Variants in NHSL2 observed in about 807,000 individuals in gnomAD.
NHSL2 encodes NHS like 2, also known as NHS-like protein 2.
A neutral mutation model predicts 53.4 loss-of-function variants in NHSL2; 27 were observed. That is an observed-to-expected ratio of 0.51 (90% CI 0.37 to 0.70). NHSL2 has a LOEUF of 0.70. NHSL2 is among the 30% of genes least tolerant of loss of function. The pLI is 0.00. For synonymous variants in NHSL2, 408 were observed against 404.1 expected (o/e 1.01, Z -0.12); for missense variants, 892 against 980.1 (o/e 0.91, Z 1.20).
intron 1 of NHSL2, among the ~76,000 whole-genome samples, chrX:71,945,492 G>A (rs932608751): frequency 3.6e-5 from 4 of 111,535 alleles, no homozygotes; most frequent in African/African-American, 9.8e-5. Flanking sequence ...CCCCCACCCC[G>A]CAACCCCTGC....
At chrX:71,984,886 C>A (rs898095272) in intron 1 of NHSL2, among the ~76,000 whole-genome samples, 1 of 104,480 alleles carries the variant, frequency 9.6e-6, no homozygotes, top group African/African-American at 3.5e-5. Context: ...TGCAGTGGCA[C>A]GATCTCGGCT....
chrX:72,019,958 C>T (rs138290869), intron 1 of NHSL2, among the ~76,000 whole-genome samples: 1,250 of 111,999 alleles, frequency 0.011, 7 homozygotes, highest in Middle Eastern at 0.028. Flanking sequence ...TGATCTCAGG[C>T]ACCCCTTCTC....
intron 1 of NHSL2, among the ~76,000 whole-genome samples, chrX:72,123,420 A>G (rs1215321645): frequency 8.9e-6 from 1 of 111,809 alleles, no homozygotes; most frequent in African/African-American, 3.3e-5. Context: ...AGGTGTGTGA[A>G]TTCAAAGGCC....
intron 1 of NHSL2, among the ~76,000 whole-genome samples, chrX:71,963,175 T>C (rs1358741756): frequency 9.0e-6 from 1 of 111,267 alleles, no homozygotes; most frequent in Non-Finnish European, 1.9e-5. Flanking sequence ...GGTGTAAAGT[T>C]GATCTTCTCC....
chrX:72,059,880 C>T lies in NHSL2; in HGVS notation c.281-72199C>T, dbSNP rs549922826. 8.0e-5 allele frequency among the ~76,000 whole-genome samples: 9 copies of T among 112,234 alleles called. No individual in the cohort carries two copies. The South Asian group carries it at 1.1e-3, about 14-fold the overall frequency. On this transcript the variant is annotated intron_variant, in intron 1 of 7. Coordinates refer to ENST00000633930, the MANE Select transcript of NHSL2 (RefSeq NM_001013627.3). ...CTCTTTCAGTCTCATTCTCTAGCAA[C>T]CCCAAACTCACTGTATCCTCACTTT... is the stretch of plus-strand genomic sequence containing the variant.
chrX:72,069,486 T>C (rs2042453326), intron 1 of NHSL2, among the ~76,000 whole-genome samples: 1 of 110,574 alleles, frequency 9.0e-6, no homozygotes, highest in African/African-American at 3.3e-5. Flanking sequence ...AGTGAGAGGC[T>C]CAGATCTGTA....
chrX:72,031,253 T>A (rs1168580322), intron 1 of NHSL2, among the ~76,000 whole-genome samples: 1 of 111,138 alleles, frequency 9.0e-6, no homozygotes, highest in Non-Finnish European at 1.9e-5. Context: ...TTGGGAGGTG[T>A]CTTGGGGCCG....
At position 72,085,175 on chromosome X, in the gene NHSL2, C is replaced by G. The variant is rs182741743; in HGVS notation, c.281-46904C>G. On this transcript the variant is annotated intron_variant, in intron 1 of 7. Transcript: ENST00000633930. ...GCTTTAGACCTCACTGCAAGTCAGA[C>G]CCCCCTGGCTGGGATGACCCCCAGC... Among the ~76,000 whole-genome samples, 33 of 111,615 alleles carry G rather than the reference C, an allele frequency of 3.0e-4. No individual in the cohort carries two copies. In the East Asian group the frequency reaches 8.7e-3, roughly 30 times the overall value.
At chrX:72,037,347 C>T (rs35197091) in intron 1 of NHSL2, among the ~76,000 whole-genome samples, 2,363 of 109,989 alleles carry the variant, frequency 0.021, 24 homozygotes, top group Non-Finnish European at 0.034. Context: ...GGCATGAACC[C>T]GGGAGGTGGA....
rs1446282686 is a variant in NHSL2, at chrX:72,147,601, C to G, written c.*4027C>G. ...TTTCTAAGTAATATGCTCCAGGTGG[C>G]AAGTTAACACCCATTTCAGCAGGGA... On this transcript the variant is annotated 3_prime_UTR_variant, in exon 8 of 8. Transcript: ENST00000633930. 2.7e-5 allele frequency: 3 copies of G among 111,836 alleles called. No homozygotes were observed. The highest frequency in any genetic ancestry group is 3.8e-5 in the Non-Finnish European group (2 of 53,146). The allele number at this position is 111,836 out of a possible 1,213,427, so 9.2% of individuals were successfully genotyped here.
chrX:72,055,586 G>C lies in NHSL2; in HGVS notation c.281-76493G>C, dbSNP rs189958090. On this transcript the variant is annotated intron_variant, in intron 1 of 7. Coordinates refer to ENST00000633930, the MANE Select transcript of NHSL2 (RefSeq NM_001013627.3). The stretch of plus-strand genomic sequence containing the variant: ...ATAAGATACATCCTATACTTGGAGA[G>C]AACCTAAATTAGATGTAAGGGAGGA... Among the ~76,000 whole-genome samples, 144 of 112,094 alleles carry C rather than the reference G, an allele frequency of 1.3e-3. 1 individual carries two copies. Among genetic ancestry groups the C allele is most frequent in the African/African-American group, 4.5e-3 (138 of 30,805 alleles).
chrX:72,100,127 T>A (rs753450799), intron 1 of NHSL2, among the ~76,000 whole-genome samples: 1 of 112,212 alleles, frequency 8.9e-6, no homozygotes, highest in South Asian at 3.7e-4. Context: ...CGTATGCTGG[T>A]TGAGTGCAGA....
At chrX:72,124,137 CT>C (rs746185835) in intron 1 of NHSL2, among the ~76,000 whole-genome samples, 1,367 of 110,438 alleles carry the variant, frequency 0.012, 23 homozygotes, top group African/African-American at 0.043. Flanking sequence ...CACTCCCCAC[CT>C]CCCATTAAGG....
intron 1 of NHSL2, among the ~76,000 whole-genome samples, chrX:72,018,644 G>A (rs2042145714): frequency 8.9e-6 from 1 of 112,815 alleles, no homozygotes; most frequent in African/African-American, 3.2e-5. Context: ...CGCAGCCGGC[G>A]CGATGAGTCA....
chrX:72,067,255 C>T (rs1306693403), intron 1 of NHSL2, among the ~76,000 whole-genome samples: 1 of 111,742 alleles, frequency 8.9e-6, no homozygotes, highest in East Asian at 2.8e-4. Flanking sequence ...TGTGATCATT[C>T]ACTCATTCCT....
At chrX:72,011,267 A>T in intron 1 of NHSL2, among the ~76,000 whole-genome samples, 1 of 112,445 alleles carries the variant, frequency 8.9e-6, no homozygotes, top group East Asian at 2.8e-4. Flanking sequence ...ATAAACCTTC[A>T]CGTAACAGGT....
At position 72,144,245 on chromosome X, in the gene NHSL2, A is replaced by G. The variant is rs1248261521; in HGVS notation, c.*671A>G. The G allele has an allele frequency of 1.4e-5, 2 of 144,151 alleles. No homozygotes were observed. Among genetic ancestry groups the G allele is most frequent in the Non-Finnish European group, 2.6e-5 (2 of 75,733 alleles). 11.9% of individuals were successfully genotyped at this position (144,151 alleles called of 1,213,427 possible). A position where few individuals can be genotyped will look rare whatever the true frequency, so the allele number is the denominator to read the frequency against. On this transcript the variant is annotated 3_prime_UTR_variant, in exon 8 of 8. Coordinates refer to ENST00000633930, the MANE Select transcript of NHSL2 (RefSeq NM_001013627.3). ...ATCAGGGTGATAAGTTTCAATAAAC[A>G]TATAGACGCCCCCCCACCCACCCCC...
chrX:72,141,115 C>T (rs2042415213), intron 6 of NHSL2: 1 of 171,099 alleles, frequency 5.8e-6, no homozygotes, highest in South Asian at 1.6e-4. Flanking sequence ...GGGAACTACT[C>T]CACCTCACTG....
intron 1 of NHSL2, among the ~76,000 whole-genome samples, chrX:72,086,345 A>G (rs895606966): frequency 1.3e-4 from 14 of 111,770 alleles, no homozygotes; most frequent in African/African-American, 3.9e-4. Flanking sequence ...GCAGTAAGTA[A>G]TGGGGGTCAC....
Sources: allele counts gnomAD v4.1 joint callset (sites outside exome capture counted in the v4.1 genomes callset), GRCh38; gene constraint gnomAD v4.1.1; transcripts MANE v1.5; gene names NCBI Gene and HGNC (gene_info 2026-07-23, HGNC 2026-07-21).